The following DDC variants were observed in gnomAD, a reference collection of about 807,000 sequenced individuals.
The protein encoded by DDC is dopa decarboxylase.
A neutral mutation model predicts 60.0 loss-of-function variants in DDC; 43 were observed. The ratio of observed to expected loss-of-function variants is 0.72; its 90% CI spans 0.56 to 0.92. The LOEUF (loss-of-function observed/expected upper bound fraction) is 0.92, where lower values mean the gene tolerates loss of function less well. Ranked by LOEUF, DDC falls within the 40% of genes least tolerant of loss-of-function variation. DDC has a pLI of 0.00. For synonymous variants in DDC, 232 were observed against 234.6 expected (o/e 0.99, Z 0.10); for missense variants, 573 against 620.2 (o/e 0.92, Z 0.81).
chr7:50,476,054 T>C (rs2042636752), intron 11 of DDC, among the ~76,000 whole-genome samples: 1 of 152,088 alleles, frequency 6.6e-6, no homozygotes, highest in Non-Finnish European at 1.5e-5. Context: ...CCCCCTGAGT[T>C]TCACCCTCCC....
At chr7:50,557,086 T>C (rs1244715468) in intron 1 of DDC, among the ~76,000 whole-genome samples, 2 of 152,126 alleles carry the variant, frequency 1.3e-5, no homozygotes, top group African/African-American at 2.4e-5. Flanking sequence ...AGAAGCCTCT[T>C]CTCCTGAGGT....
intron 13 of DDC, 134 bp downstream of exon 13, chr7:50,467,080 G>A: frequency 5.8e-6 from 5 of 863,388 alleles, no homozygotes; most frequent in South Asian, 5.3e-5. Flanking sequence ...GCAGGCCGGT[G>A]GGCCAAAGAA....
At chr7:50,459,945 C>G (rs529891790) in intron 14 of DDC, among the ~76,000 whole-genome samples, 2 of 140,806 alleles carry the variant, frequency 1.4e-5, no homozygotes, top group African/African-American at 2.8e-5. Context: ...GGTCAGCCCC[C>G]TGCCCGGCCA....
chr7:50,556,490 T>C (rs577559662), intron 1 of DDC, among the ~76,000 whole-genome samples: 3 of 152,314 alleles, frequency 2.0e-5, no homozygotes, highest in Non-Finnish European at 4.4e-5. Context: ...CATAGGAATG[T>C]TGGGAGAAAC....
intron 1 of DDC, among the ~76,000 whole-genome samples, chr7:50,551,379 T>C (rs911451268): frequency 2.0e-5 from 3 of 151,996 alleles, no homozygotes; most frequent in Non-Finnish European, 2.9e-5. Context: ...TACAGGCGCA[T>C]GCCACCATGC....
In DDC at chr7:50,482,574, T is replaced by A. The variant is rs999588636; in HGVS notation, c.945-2711A>T. ...TAAGGAGGCAACTTCCTCACTATAT[T>A]TTTTTTCACAATTATCTTGGCTATT... On this transcript the variant is annotated intron_variant, in intron 9 of 14. Transcript: ENST00000444124. Among the ~76,000 whole-genome samples, 9 of 152,266 alleles carry A rather than the reference T, an allele frequency of 5.9e-5. No homozygotes were observed. In the South Asian group the frequency reaches 1.7e-3, roughly 28 times the overall value.
intron 3 of DDC, 140 bp downstream of exon 3, chr7:50,539,775 T>C: frequency 1.4e-6 from 1 of 690,284 alleles, no homozygotes; most frequent in Non-Finnish European, 2.6e-6. Context: ...CTGAATCCTT[T>C]CTCCTCCCTG....
chr7:50,496,022 A>G (rs1002162315), intron 8 of DDC, among the ~76,000 whole-genome samples: 1 of 152,150 alleles, frequency 6.6e-6, no homozygotes, highest in African/African-American at 2.4e-5. Flanking sequence ...TTTTCATTTA[A>G]TTGATGGGTT....
chr7:50,541,498 T>C (rs1401028430), intron 2 of DDC: 2 of 152,246 alleles, frequency 1.3e-5, no homozygotes, highest in Non-Finnish European at 1.5e-5. Flanking sequence ...GATTAGGGCA[T>C]GAGGGTGGGG....
Position 50,544,053 on chromosome 7 carries a change from C to T in DDC, c.33G>A (p.Lys11=), listed in dbSNP as rs768497819. Residue 11 remains lysine, a synonymous_variant, in exon 2 of 15, where the codon AAG becomes AAA. Transcript: ENST00000444124. ...AGTTGGCCATGTAATCCACCATCTCCTTCCCTCTCCTTCGGAATTCACTTG... is the reference window on the plus strand; with the variant it reads ...AGTTGGCCATGTAATCCACCATCTCTTTCCCTCTCCTTCGGAATTCACTTG... MNASEFRRRG[K]EMVDYMANYM... The T allele has an allele frequency of 3.7e-6, 6 of 1,613,984 alleles. No homozygotes were observed. The highest frequency in any genetic ancestry group is 5.1e-6 in the Non-Finnish European group (6 of 1,179,980).
rs563896760 is a variant in DDC, at chr7:50,547,723, T to G, written c.-28-3610A>C. On this transcript the variant is annotated intron_variant, in intron 1 of 14. Transcript: ENST00000444124. Reference sequence around the variant, plus strand: ...GCGAGTCACACCCTGATTCTATGTATTAGCTATCATAATCGCATGTATTAG... The same window carrying G: ...GCGAGTCACACCCTGATTCTATGTAGTAGCTATCATAATCGCATGTATTAG... Among the ~76,000 whole-genome samples the G allele has an allele frequency of 5.3e-5, 8 of 152,348 alleles. No homozygotes were observed. In the South Asian group the frequency reaches 1.5e-3, roughly 28 times the overall value.
intron 4 of DDC, 23 bp from the exon 5 acceptor site, chr7:50,529,365 A>C: frequency 6.2e-7 from 1 of 1,614,052 alleles, no homozygotes; most frequent in Non-Finnish European, 8.5e-7. Context: ...GAAGGTCCAA[A>C]TGAAATCCCA....
intron 6 of DDC, among the ~76,000 whole-genome samples, chr7:50,510,792 T>C (rs1010284237): frequency 6.6e-5 from 10 of 151,294 alleles, no homozygotes; most frequent in East Asian, 1.9e-4. Context: ...CCATCCTGGC[T>C]AACACGGTAA....
intron 6 of DDC, among the ~76,000 whole-genome samples, chr7:50,505,557 G>T (rs572379790): frequency 6.6e-6 from 1 of 152,174 alleles, no homozygotes; most frequent in Middle Eastern, 3.2e-3. Flanking sequence ...TGACTGCCTC[G>T]CATTTCACCT....
chr7:50,471,451 A>G (rs1182290667), intron 11 of DDC, among the ~76,000 whole-genome samples: 1 of 152,228 alleles, frequency 6.6e-6, no homozygotes, highest in Admixed American at 6.5e-5. Context: ...ACACAAGAGA[A>G]GTAGCTCAAG....
At chr7:50,464,628 AG>A (rs773208290) in intron 13 of DDC, among the ~76,000 whole-genome samples, 2 of 152,236 alleles carry the variant, frequency 1.3e-5, no homozygotes, top group Admixed American at 6.5e-5. Context: ...CAGACTGGAT[AG>A]GGCAGTACTT....
At chr7:50,543,769 C>T in intron 2 of DDC, 116 bp downstream of exon 2, 1 of 1,070,104 alleles carries the variant, frequency 9.3e-7, no homozygotes, top group South Asian at 1.3e-5. Flanking sequence ...CAAAATTTCT[C>T]TCCAACCTGA....
intron 4 of DDC, among the ~76,000 whole-genome samples, chr7:50,534,182 G>A (rs1355278850): frequency 6.6e-6 from 1 of 152,180 alleles, no homozygotes; most frequent in Non-Finnish European, 1.5e-5. Context: ...ACACTCCCTT[G>A]TACCTACTCC....
chr7:50,557,783 T>G (rs2045232446), intron 1 of DDC, among the ~76,000 whole-genome samples: 1 of 152,220 alleles, frequency 6.6e-6, no homozygotes, highest in Non-Finnish European at 1.5e-5. Flanking sequence ...CCAGTGGAAT[T>G]GAGACATGTG....
Sources: gnomAD v4.1 joint callset for allele counts (sites outside exome capture counted in the v4.1 genomes callset) on GRCh38, gnomAD v4.1.1 for gene constraint, MANE v1.5 for transcripts, NCBI Gene and HGNC (gene_info 2026-07-23, HGNC 2026-07-21) for gene names.